Variants in RGS7 observed in about 807,000 individuals in gnomAD.
RGS7 encodes the protein regulator of G protein signaling 7, also known as regulator of G-protein signaling 7.
RGS7 carries 27 observed loss-of-function variants against 81.1 expected under a neutral mutation model. That is an observed-to-expected ratio of 0.33 (90% CI 0.25 to 0.46). The LOEUF (loss-of-function observed/expected upper bound fraction) is 0.46. Among genes scored for constraint, RGS7 ranks in the 20% least tolerant of loss-of-function variants. RGS7 has a pLI of 1.00. For synonymous variants in RGS7, 208 were observed against 207.7 expected (o/e 1.00, Z -0.01); for missense variants, 396 against 607.4 (o/e 0.65, Z 3.66).
intron 3 of RGS7, among the ~76,000 whole-genome samples, chr1:241,029,736 C>A (rs965772144): frequency 1.3e-5 from 2 of 152,060 alleles, no homozygotes; most frequent in African/African-American, 2.4e-5. Context: ...ACAGCTTGTC[C>A]CTAAACTCCC....
intron 2 of RGS7, among the ~76,000 whole-genome samples, chr1:241,135,543 C>G (rs978956993): frequency 6.6e-6 from 1 of 152,114 alleles, no homozygotes; most frequent in African/African-American, 2.4e-5. Context: ...TCCGGGATGC[C>G]TCCCCTATCT....
rs553233023 is a variant in RGS7, at chr1:241,303,614, A to T, written c.78+52085T>A. ...TTGGTAAACCTTTTTTTCAGTTTGT[A>T]TGTCTGAATAGTGATCAAAATAAAA... is the stretch of plus-strand genomic sequence containing the variant. On this transcript the variant is annotated intron_variant, in intron 2 of 18. Coordinates refer to ENST00000440928, the MANE Select transcript of RGS7 (RefSeq NM_001364886.1). 2.0e-5 allele frequency among the ~76,000 whole-genome samples: 3 copies of T among 152,238 alleles called. No homozygotes were observed. The East Asian group carries it at 5.8e-4, about 29-fold the overall frequency.
chr1:241,102,717 T>C (rs1261196118), intron 2 of RGS7, among the ~76,000 whole-genome samples: 2 of 152,156 alleles, frequency 1.3e-5, no homozygotes, highest in African/African-American at 4.8e-5. Flanking sequence ...GTATAAATAC[T>C]AAACCTCCTA....
intron 4 of RGS7, among the ~76,000 whole-genome samples, chr1:240,938,776 G>T (rs1227077798): frequency 6.6e-6 from 1 of 151,924 alleles, no homozygotes; most frequent in Non-Finnish European, 1.5e-5. Context: ...TGTATAGAAT[G>T]TTGTTTTTTG....
At chr1:240,825,478 A>G in intron 10 of RGS7, among the ~76,000 whole-genome samples, 1 of 152,214 alleles carries the variant, frequency 6.6e-6, no homozygotes, top group East Asian at 1.9e-4. Context: ...CCAACTGTGG[A>G]AAATAAGGGT....
intron 2 of RGS7, among the ~76,000 whole-genome samples, chr1:241,274,245 TGTACTG>T (rs1422744588): frequency 6.6e-6 from 1 of 152,236 alleles, no homozygotes; most frequent in African/African-American, 2.4e-5. Flanking sequence ...TTTCAGCATT[TGTACTG>T]GTACTAGTAC....
At chr1:241,112,629 G>C (rs1398535231) in intron 2 of RGS7, among the ~76,000 whole-genome samples, 1 of 152,104 alleles carries the variant, frequency 6.6e-6, no homozygotes, top group Non-Finnish European at 1.5e-5. Context: ...TGCAGCTGCT[G>C]AATCTGACCT....
chr1:241,272,142 C>T (rs369316554), intron 2 of RGS7, among the ~76,000 whole-genome samples: 20 of 151,886 alleles, frequency 1.3e-4, no homozygotes, highest in Admixed American at 3.9e-4. Context: ...TACAGGCACC[C>T]GCCACCACGC....
chr1:241,113,378 A>G (rs1308534363), intron 2 of RGS7, among the ~76,000 whole-genome samples: 1 of 152,208 alleles, frequency 6.6e-6, no homozygotes, highest in Non-Finnish European at 1.5e-5. Context: ...TAATTGTTAA[A>G]GTCATAGAGA....
intron 18 of RGS7, among the ~76,000 whole-genome samples, chr1:240,796,330 A>G (rs1687060374): frequency 6.6e-6 from 1 of 152,210 alleles, no homozygotes; most frequent in African/African-American, 2.4e-5. Flanking sequence ...TCTATTTCAA[A>G]TAAGAGGATT....
chr1:241,218,803 C>A lies in RGS7; in HGVS notation c.79-120041G>T, dbSNP rs1024431087. Reference sequence around the variant, plus strand: ...GGGATTACAGGCACACACCACCACACCTGGCTAATTTTTTTTTTGTATTTT... The same window carrying A: ...GGGATTACAGGCACACACCACCACAACTGGCTAATTTTTTTTTTGTATTTT... On this transcript the variant is annotated intron_variant, in intron 2 of 18. Transcript: ENST00000440928. 2.6e-5 allele frequency among the ~76,000 whole-genome samples: 4 copies of A among 152,132 alleles called. 1 individual carries two copies. The highest frequency in any genetic ancestry group is 4.2e-4 in the South Asian group (2 of 4,818).
chr1:241,302,412 G>A (rs1210396226), intron 2 of RGS7, among the ~76,000 whole-genome samples: 2 of 152,130 alleles, frequency 1.3e-5, no homozygotes, highest in Admixed American at 6.5e-5. Context: ...AGCCAGGCAT[G>A]GTTGCAGGCG....
chr1:240,979,134 C>G (rs1684562466), intron 4 of RGS7, among the ~76,000 whole-genome samples: 1 of 151,926 alleles, frequency 6.6e-6, no homozygotes, highest in East Asian at 1.9e-4. Flanking sequence ...AAACATTCTG[C>G]CAAATAATTA....
At position 240,815,236 on chromosome 1, in the gene RGS7, G is replaced by A. The variant is rs556306114; in HGVS notation, c.784-459C>T. ...CAGGTACTATAGTCCCAGCTACTCT[G>A]GGGGCTGAGGCAGGAGGATCACCTG... On this transcript the variant is annotated intron_variant, in intron 11 of 18. Transcript: ENST00000440928. Among the ~76,000 whole-genome samples, 7 of 152,158 alleles carry A rather than the reference G, an allele frequency of 4.6e-5. No homozygotes were observed. The South Asian group carries it at 1.0e-3, about 23-fold the overall frequency.
intron 2 of RGS7, among the ~76,000 whole-genome samples, chr1:241,310,119 G>A (rs1220965137): frequency 6.6e-6 from 1 of 152,124 alleles, no homozygotes; most frequent in Non-Finnish European, 1.5e-5. Context: ...ATACTGCCCA[G>A]GAAGACAACA....
intron 2 of RGS7, among the ~76,000 whole-genome samples, chr1:241,264,145 T>C (rs1169422009): frequency 1.3e-5 from 2 of 152,238 alleles, no homozygotes; most frequent in Admixed American, 1.3e-4. Context: ...TGTTTGAGTA[T>C]TTTTTAAATT....
chr1:240,920,532 T>C, intron 6 of RGS7: 1 of 848,304 alleles, frequency 1.2e-6, no homozygotes, highest in Non-Finnish European at 2.0e-6. Context: ...TGGAGGCCAA[T>C]ACTTTGTCAA....
chr1:241,329,837 A>T (rs2148653605), intron 2 of RGS7, among the ~76,000 whole-genome samples: 1 of 152,236 alleles, frequency 6.6e-6, no homozygotes. Flanking sequence ...AACATACATG[A>T]TGGTTTATAA....
intron 3 of RGS7, among the ~76,000 whole-genome samples, chr1:241,061,932 G>A (rs185432854): frequency 1.2e-3 from 187 of 152,256 alleles, no homozygotes; most frequent in Non-Finnish European, 2.2e-3. Context: ...TCCATGCTTG[G>A]TCGTATCTCA....
Sources: allele counts gnomAD v4.1 joint callset (sites outside exome capture counted in the v4.1 genomes callset), GRCh38; gene constraint gnomAD v4.1.1; transcripts MANE v1.5; gene names NCBI Gene and HGNC (gene_info 2026-07-23, HGNC 2026-07-21).